The following SEM1 variants were observed in gnomAD, a reference collection of about 807,000 sequenced individuals.
The protein encoded by SEM1 is 26S proteasome complex subunit SEM1.
SEM1 carries 3 observed loss-of-function variants against 12.7 expected under a neutral mutation model. That is an observed-to-expected ratio of 0.24 (90% CI 0.11 to 0.61). The LOEUF is 0.61. SEM1 is among the 20% of genes least tolerant of loss of function. The pLI is 0.88. For missense variants in SEM1, 59 were observed against 81.3 expected (o/e 0.73, Z 1.06); for synonymous variants, 30 against 27.8 (o/e 1.08, Z -0.25).
chr7:96,499,759 C>T (rs62470042), upstream of SEM1, among the ~76,000 whole-genome samples: 12,196 of 152,194 alleles, frequency 0.08, 614 homozygotes, highest in Middle Eastern at 0.15. Context: ...CGGATTGTGG[C>T]AGTCACTTGT....
At position 96,701,161 on chromosome 7, in the gene SEM1, T is replaced by C. The variant is rs74453564; in HGVS notation, c.77-6270A>G. ...GAGGGGAGAGAAAAAAGGAGACTAA[T>C]GTTTACTGAATACCAACTTTGTGCC... On this transcript the variant is annotated intron_variant, in intron 1 of 2. Coordinates refer to ENST00000248566, the MANE Select transcript of SEM1 (RefSeq NM_006304.2). Among the ~76,000 whole-genome samples the C allele has an allele frequency of 8.8e-4, 134 of 152,260 alleles. 3 individuals are homozygous for C. The East Asian group carries it at 0.024, about 27-fold the overall frequency.
At chr7:96,560,951 A>C (rs1805672734) in intron 2 of SEM1, among the ~76,000 whole-genome samples, 1 of 152,048 alleles carries the variant, frequency 6.6e-6, no homozygotes, top group Non-Finnish European at 1.5e-5. Context: ...TGTTTAATTT[A>C]ATTTTAATTT....
At chr7:96,555,137 TCAAAAAAC>T (rs1805439686) in intron 2 of SEM1, among the ~76,000 whole-genome samples, 1 of 138,068 alleles carries the variant, frequency 7.2e-6, no homozygotes, top group Non-Finnish European at 1.6e-5. Flanking sequence ...GTTGATCCTT[TCAAAAAAC>T]CAGCTCCTGG....
intron 2 of SEM1, among the ~76,000 whole-genome samples, chr7:96,691,612 A>G (rs936269134): frequency 6.6e-6 from 1 of 152,234 alleles, no homozygotes; most frequent in Non-Finnish European, 1.5e-5. Context: ...TTATGATATT[A>G]TGTTAAGGGT....
Position 96,489,796 on chromosome 7 carries a change from C to T in SEM1, c.13-3379G>A, listed in dbSNP as rs911606622. Among the ~76,000 whole-genome samples the T allele has an allele frequency of 3.3e-5, 5 of 152,298 alleles. No homozygotes were observed. In the East Asian group the frequency reaches 7.7e-4, roughly 24 times the overall value. ...ATTGTATCACTCTAGTCTCTGCCTCCGCCTTCACATGCACATGGCCTCTGT... is the reference window on the plus strand; with the variant it reads ...ATTGTATCACTCTAGTCTCTGCCTCTGCCTTCACATGCACATGGCCTCTGT... On this transcript the variant is annotated intron_variant, in intron 1 of 3. Transcript: ENST00000356686.
At chr7:96,580,745 T>C (rs1806370099) in intron 2 of SEM1, among the ~76,000 whole-genome samples, 1 of 151,996 alleles carries the variant, frequency 6.6e-6, no homozygotes, top group African/African-American at 2.4e-5. Flanking sequence ...TTTTCATGTG[T>C]TTTTTGGCTG....
chr7:96,691,160 A>G (rs1050499640), intron 2 of SEM1, among the ~76,000 whole-genome samples: 2 of 152,200 alleles, frequency 1.3e-5, no homozygotes. Context: ...ACATAAACAA[A>G]TGATATCAGA....
intron 2 of SEM1, among the ~76,000 whole-genome samples, chr7:96,682,342 T>C (rs979392103): frequency 6.6e-6 from 1 of 152,110 alleles, no homozygotes; most frequent in South Asian, 2.1e-4. Flanking sequence ...CAGAGACAAT[T>C]TGACTTCCTC....
chr7:96,498,808 C>T (rs1317259598), upstream of SEM1, among the ~76,000 whole-genome samples: 1 of 151,968 alleles, frequency 6.6e-6, no homozygotes, highest in Non-Finnish European at 1.5e-5. Context: ...CCAAGTAACC[C>T]TGTAACCTTG....
At chr7:96,549,332 T>C (rs1005122953) in intron 2 of SEM1, among the ~76,000 whole-genome samples, 7 of 152,164 alleles carry the variant, frequency 4.6e-5, no homozygotes, top group African/African-American at 1.7e-4. Flanking sequence ...CCATGTCTGC[T>C]GAGAGCCCCT....
intron 2 of SEM1, among the ~76,000 whole-genome samples, chr7:96,693,760 T>TGTGTGTGTGTGTGTG (rs1790002060): frequency 4.2e-4 from 59 of 139,632 alleles, no homozygotes; most frequent in Admixed American, 1.2e-3. Flanking sequence ...ACAATTCCAC[T>TGTGTGTGTGTGTGTG]TGTGTGTGTG....
At chr7:96,650,062 C>CA (rs1461033483) in intron 2 of SEM1, 1 of 156,530 alleles carries the variant, frequency 6.4e-6, no homozygotes, top group Non-Finnish European at 1.4e-5. Context: ...GTTCTGTGGT[C>CA]AAACAAATTT....
At chr7:96,496,821 C>A (rs1404427262), upstream of SEM1, among the ~76,000 whole-genome samples, 1 of 152,028 alleles carries the variant, frequency 6.6e-6, no homozygotes, top group Non-Finnish European at 1.5e-5. Flanking sequence ...ATTTCAAGGG[C>A]ATTTTTTTAA....
intron 2 of SEM1, among the ~76,000 whole-genome samples, chr7:96,568,398 T>C (rs528452553): frequency 2.6e-5 from 4 of 152,008 alleles, no homozygotes; most frequent in African/African-American, 9.6e-5. Flanking sequence ...CCTATCTAAT[T>C]AACCTTTTAA....
At chr7:96,704,965 T>A (rs1218998211) in intron 1 of SEM1, among the ~76,000 whole-genome samples, 1 of 152,214 alleles carries the variant, frequency 6.6e-6, no homozygotes. Flanking sequence ...CACTAAATGC[T>A]GGCAGTTTTT....
At chr7:96,644,009 C>T (rs1808706557) in intron 2 of SEM1, among the ~76,000 whole-genome samples, 1 of 151,948 alleles carries the variant, frequency 6.6e-6, no homozygotes, top group South Asian at 2.1e-4. Flanking sequence ...AGTCTATGTC[C>T]CCACCATCAC....
intron 2 of SEM1, among the ~76,000 whole-genome samples, chr7:96,558,746 A>G (rs916733505): frequency 2.0e-5 from 3 of 152,246 alleles, no homozygotes; most frequent in South Asian, 4.1e-4. Flanking sequence ...GAGTAACTTC[A>G]GACTCAGACC....
At position 96,650,535 on chromosome 7, in the gene SEM1, A is replaced by G. The variant is rs767639382; in HGVS notation, c.171-27892T>C. 8 of 747,704 alleles carry G rather than the reference A, an allele frequency of 1.1e-5. No individual in the cohort carries two copies. In the Admixed American group the frequency reaches 1.4e-4, roughly 13 times the overall value. 46.3% of individuals were successfully genotyped at this position (747,704 alleles called of 1,614,324 possible). On this transcript the variant is annotated intron_variant, in intron 2 of 2. Coordinates refer to the SEM1 transcript ENST00000417009. ...TTTCTCACAGCTTTAGCATGAAAGG[A>G]GAGAAAGATAAGAAATTCTGAAGAA...
At chr7:96,621,183 G>C (rs2116281582), downstream of SEM1, among the ~76,000 whole-genome samples, 1 of 152,294 alleles carries the variant, frequency 6.6e-6, no homozygotes, top group Middle Eastern at 3.4e-3. Context: ...GTCCAGGAAA[G>C]CTTGAAATTT....
Sources: gnomAD v4.1 joint callset for allele counts (sites outside exome capture counted in the v4.1 genomes callset) on GRCh38, gnomAD v4.1.1 for gene constraint, MANE v1.5 for transcripts, NCBI Gene and HGNC (gene_info 2026-07-23, HGNC 2026-07-21) for gene names.